KCNQ5: variants seen among roughly 807,000 people sequenced by gnomAD.
The protein encoded by KCNQ5 is potassium voltage-gated channel subfamily KQT member 5.
KCNQ5 carries 30 observed loss-of-function variants against 98.2 expected under a neutral mutation model. The ratio of observed to expected loss-of-function variants is 0.31; its 90% CI spans 0.23 to 0.41. The LOEUF is 0.41. KCNQ5 is among the 10% of genes least tolerant of loss of function. KCNQ5 has a pLI of 1.00. For synonymous variants in KCNQ5, 458 were observed against 449.4 expected (o/e 1.02, Z -0.24); for missense variants, 835 against 1,182.5 (o/e 0.71, Z 4.31).
intron 1 of KCNQ5, among the ~76,000 whole-genome samples, chr6:72,830,941 A>T (rs987142565): frequency 1.3e-5 from 2 of 152,242 alleles, no homozygotes; most frequent in Admixed American, 1.3e-4. Context: ...GACATTTCTC[A>T]AAAGAAGACA....
chr6:72,956,085 A>G (rs1485216193), intron 1 of KCNQ5, among the ~76,000 whole-genome samples: 1 of 152,248 alleles, frequency 6.6e-6, no homozygotes, highest in Non-Finnish European at 1.5e-5. Flanking sequence ...GAATGAAACT[A>G]ATAAATTCTG....
At chr6:72,655,686 G>T (rs1293247367) in intron 1 of KCNQ5, among the ~76,000 whole-genome samples, 1 of 152,160 alleles carries the variant, frequency 6.6e-6, no homozygotes, top group Admixed American at 6.6e-5. Flanking sequence ...AGAGGAATAT[G>T]TCGGGACATA....
intron 6 of KCNQ5, among the ~76,000 whole-genome samples, chr6:73,109,697 A>AATTT (rs1390356937): frequency 1.3e-5 from 2 of 152,172 alleles, no homozygotes; most frequent in African/African-American, 4.8e-5. Flanking sequence ...GGTTTTTATA[A>AATTT]AGCTTAGTTT....
chr6:72,708,487 A>G (rs1222166735), intron 1 of KCNQ5, among the ~76,000 whole-genome samples: 1 of 152,214 alleles, frequency 6.6e-6, no homozygotes, highest in Non-Finnish European at 1.5e-5. Flanking sequence ...AGAGAAGAAA[A>G]AGCTACATTT....
chr6:72,853,962 T>C (rs1256779967), intron 1 of KCNQ5, among the ~76,000 whole-genome samples: 3 of 152,202 alleles, frequency 2.0e-5, no homozygotes, highest in African/African-American at 7.2e-5. Flanking sequence ...GCACACCTCC[T>C]AGGTGGAATA....
rs142322797 is a variant in KCNQ5 at position 73,112,869 on chromosome 6, C to A, written c.1125+1466C>A. On this transcript the variant is annotated intron_variant, in intron 7 of 13. Transcript: ENST00000370398. ...TGAGGATATTAATTTTTAAATCAAGCTATTCTGCAACTGTTGACAAGAAAG... is the reference window on the plus strand; with the variant it reads ...TGAGGATATTAATTTTTAAATCAAGATATTCTGCAACTGTTGACAAGAAAG... 9.7e-3 allele frequency among the ~76,000 whole-genome samples: 1,482 copies of A among 152,272 alleles called. 29 individuals carry two copies. Among genetic ancestry groups the A allele is most frequent in the African/African-American group, 0.034 (1,418 of 41,560 alleles).
intron 1 of KCNQ5, among the ~76,000 whole-genome samples, chr6:72,706,909 T>C (rs895396549): frequency 6.6e-6 from 1 of 152,204 alleles, no homozygotes; most frequent in Non-Finnish European, 1.5e-5. Context: ...CTCATTCATA[T>C]ATATAAACAT....
At chr6:72,804,558 C>A (rs1484833242) in intron 1 of KCNQ5, among the ~76,000 whole-genome samples, 1 of 152,028 alleles carries the variant, frequency 6.6e-6, no homozygotes, top group African/African-American at 2.4e-5. Context: ...TCTATTTATC[C>A]ACTCATCTGA....
rs1216419127 is a variant in KCNQ5, at chr6:72,836,628, GGGTCTC to G, written c.399-167279_399-167274del. On this transcript the variant is annotated intron_variant, in intron 1 of 13. Transcript: ENST00000370398. ...TAATTTTTTTTTTTCTGTAGAGACA[GGGTCTC>G]ACTGTTTTGCCCAAGCTGGTCTTGA... 2.6e-3 allele frequency among the ~76,000 whole-genome samples: 389 copies of G among 152,074 alleles called. 5 individuals are homozygous for G. The highest frequency in any genetic ancestry group is 4.3e-3 in the South Asian group (21 of 4,830).
chr6:72,630,722 T>C (rs1413656129), intron 1 of KCNQ5: 1 of 152,142 alleles, frequency 6.6e-6, no homozygotes, highest in Admixed American at 6.5e-5. Context: ...ATATTAACAG[T>C]TAGCATGGTG....
At position 72,838,860 on chromosome 6, in the gene KCNQ5, G is replaced by T. The variant is rs549010079; in HGVS notation, c.399-165048G>T. Among the ~76,000 whole-genome samples, 580 of 146,210 alleles carry T rather than the reference G, an allele frequency of 4.0e-3. 3 individuals are homozygous for T. Among genetic ancestry groups the T allele is most frequent in the African/African-American group, 0.014 (559 of 39,362 alleles). ...AGCTACTCGGGAGGCTGAGGCAGGA[G>T]AATGGCGTGAACCCGGGAGGCGGAG... On this transcript the variant is annotated intron_variant, in intron 1 of 13. Transcript: ENST00000370398.
chr6:73,023,686 G>C (rs951373582), intron 2 of KCNQ5, among the ~76,000 whole-genome samples: 1 of 152,178 alleles, frequency 6.6e-6, no homozygotes, highest in Non-Finnish European at 1.5e-5. Context: ...TTCAATGCTA[G>C]CATTTAACTT....
intron 1 of KCNQ5, among the ~76,000 whole-genome samples, chr6:72,867,754 A>T (rs1211630424): frequency 6.6e-6 from 1 of 151,680 alleles, no homozygotes; most frequent in Non-Finnish European, 1.5e-5. Flanking sequence ...CCTGAGCAAC[A>T]TGGCAAAACC....
Position 72,985,603 on chromosome 6 carries a change from A to G in KCNQ5, c.399-18305A>G, listed in dbSNP as rs117847236. 8.3e-3 allele frequency among the ~76,000 whole-genome samples: 1,261 copies of G among 152,302 alleles called. 4 individuals carry two copies. The highest frequency in any genetic ancestry group is 0.02 in the Middle Eastern group (6 of 294). On this transcript the variant is annotated intron_variant, in intron 1 of 13. Transcript: ENST00000370398. ...CCACAGAATGCAAATGAAAACCACA[A>G]TGATATTTCATCTCACACTAGTCAG...
intron 1 of KCNQ5, among the ~76,000 whole-genome samples, chr6:73,000,011 A>G (rs1329747813): frequency 6.6e-6 from 1 of 151,950 alleles, no homozygotes; most frequent in Non-Finnish European, 1.5e-5. Context: ...TTACACACAG[A>G]TCCCCTGGAG....
At chr6:72,870,503 A>G (rs1238386201) in intron 1 of KCNQ5, among the ~76,000 whole-genome samples, 1 of 152,074 alleles carries the variant, frequency 6.6e-6, no homozygotes, top group African/African-American at 2.4e-5. Flanking sequence ...GGCCTGCCTC[A>G]GCCTCTGAAA....
At chr6:72,880,111 G>C (rs1778580528) in intron 1 of KCNQ5, among the ~76,000 whole-genome samples, 1 of 152,058 alleles carries the variant, frequency 6.6e-6, no homozygotes. Flanking sequence ...ACTGTTTATG[G>C]TTTGTTTGGA....
At chr6:72,708,377 G>A (rs1769196983) in intron 1 of KCNQ5, among the ~76,000 whole-genome samples, 2 of 152,134 alleles carry the variant, frequency 1.3e-5, no homozygotes, top group South Asian at 4.1e-4. Context: ...GGAAAAGAGG[G>A]TGGGGAAAAT....
At chr6:72,749,471 A>T (rs547389614) in intron 1 of KCNQ5, among the ~76,000 whole-genome samples, 3 of 152,066 alleles carry the variant, frequency 2.0e-5, no homozygotes, top group Admixed American at 2.0e-4. Context: ...TTAAAAAAAA[A>T]TTTCTCAGAC....
Sources: allele counts gnomAD v4.1 joint callset (sites outside exome capture counted in the v4.1 genomes callset), GRCh38; gene constraint gnomAD v4.1.1; transcripts MANE v1.5; gene names NCBI Gene and HGNC (gene_info 2026-07-23, HGNC 2026-07-21).